LPAR3: variants seen among roughly 807,000 people sequenced by gnomAD.
The protein encoded by LPAR3 is LPA receptor 3.
In LPAR3, 7 loss-of-function variants were observed where a neutral mutation model predicts 17.8. That is an observed-to-expected ratio of 0.39 (90% CI 0.22 to 0.74). The LOEUF (loss-of-function observed/expected upper bound fraction) is 0.74. Among genes scored for constraint, LPAR3 ranks in the 30% least tolerant of loss-of-function variants. The pLI, the probability that LPAR3 is intolerant of heterozygous loss-of-function variation, is 0.40. For synonymous variants in LPAR3, 179 were observed against 179.9 expected, an observed-to-expected ratio of 0.99 and a Z score of 0.04; for missense variants, 391 against 453.4, an observed-to-expected ratio of 0.86 and a Z score of 1.25.
In LPAR3 at chr1:84,820,484, G is replaced by A. The variant is rs1272133371; in HGVS notation, c.737-6313C>T. 2.0e-5 allele frequency among the ~76,000 whole-genome samples: 3 copies of A among 152,300 alleles called. No individual in the cohort carries two copies. The East Asian group carries it at 5.8e-4, about 29-fold the overall frequency. On this transcript the variant is annotated intron_variant, in intron 2 of 2. Coordinates refer to ENST00000370611, the MANE Select transcript of LPAR3 (RefSeq NM_012152.3). ...TGAGCTGGTGCTGAAGGGCAAGAAT[G>A]ACTGTGCACAGGTGAGAAATAGCGT...
At chr1:84,838,806 C>T (rs779468856) in intron 2 of LPAR3, among the ~76,000 whole-genome samples, 3 of 152,176 alleles carry the variant, frequency 2.0e-5, no homozygotes, top group Non-Finnish European at 4.4e-5. Context: ...GACTTCTCCC[C>T]GACTGACCCG....
intron 2 of LPAR3, among the ~76,000 whole-genome samples, chr1:84,864,142 G>A (rs894942562): frequency 1.3e-5 from 2 of 151,854 alleles, no homozygotes; most frequent in Non-Finnish European, 2.9e-5. Context: ...AGGCCAGGAG[G>A]TGGAGGTTGC....
At chr1:84,874,429 C>T (rs1044703397) in intron 1 of LPAR3, among the ~76,000 whole-genome samples, 7 of 152,204 alleles carry the variant, frequency 4.6e-5, no homozygotes, top group African/African-American at 1.4e-4. Context: ...TTGGTATATA[C>T]ACACAGCTTC....
intron 1 of LPAR3, among the ~76,000 whole-genome samples, chr1:84,886,743 T>C (rs941275235): frequency 2.0e-5 from 3 of 152,108 alleles, no homozygotes; most frequent in African/African-American, 7.2e-5. Flanking sequence ...AAGACAAAAG[T>C]ACCATTCTCT....
chr1:84,847,477 G>C (rs1280657591), intron 2 of LPAR3, among the ~76,000 whole-genome samples: 1 of 152,090 alleles, frequency 6.6e-6, no homozygotes, highest in Non-Finnish European at 1.5e-5. Context: ...GAATTGTCTG[G>C]GCCAGCCCTG....
chr1:84,881,103 T>C (rs189121601), intron 1 of LPAR3, among the ~76,000 whole-genome samples: 1 of 152,266 alleles, frequency 6.6e-6, no homozygotes, highest in Admixed American at 6.5e-5. Context: ...AGAAAGGACA[T>C]TTTAGAGTGA....
intron 2 of LPAR3, among the ~76,000 whole-genome samples, chr1:84,825,417 G>A (rs1250895793): frequency 1.3e-5 from 2 of 152,164 alleles, no homozygotes; most frequent in East Asian, 3.8e-4. Flanking sequence ...ATGATTCCAG[G>A]CAAGATATAC....
rs78995385 is a variant in LPAR3, at chr1:84,876,113, G to A, written c.-18-9975C>T. 1.5e-3 allele frequency among the ~76,000 whole-genome samples: 227 copies of A among 152,280 alleles called. 1 individual carries two copies. Among genetic ancestry groups the A allele is most frequent in the East Asian group, 0.014 (75 of 5,182 alleles). ...TACTGCTAAACAAACAAGCCAGAGG[G>A]GCTCCTCGAGAATGCTATGCCTTGG... is the stretch of plus-strand genomic sequence containing the variant. On this transcript the variant is annotated intron_variant, in intron 1 of 2. Coordinates refer to ENST00000370611, the MANE Select transcript of LPAR3 (RefSeq NM_012152.3).
At chr1:84,874,671 A>G (rs1660221292) in intron 1 of LPAR3, among the ~76,000 whole-genome samples, 1 of 152,192 alleles carries the variant, frequency 6.6e-6, no homozygotes, top group Non-Finnish European at 1.5e-5. Context: ...GCTTTATATA[A>G]AATTTTAATA....
At chr1:84,856,212 T>C (rs1398734169) in intron 2 of LPAR3, among the ~76,000 whole-genome samples, 1 of 152,130 alleles carries the variant, frequency 6.6e-6, no homozygotes, top group Middle Eastern at 3.2e-3. Context: ...GGACTAGCCA[T>C]TTCAAGACAA....
At chr1:84,874,495 T>C (rs781362551) in intron 1 of LPAR3, among the ~76,000 whole-genome samples, 3 of 152,192 alleles carry the variant, frequency 2.0e-5, no homozygotes, top group African/African-American at 7.2e-5. Context: ...TCCCCAGATG[T>C]TCCTGATGGC....
intron 2 of LPAR3, among the ~76,000 whole-genome samples, chr1:84,821,112 T>G (rs1323308853): frequency 6.6e-6 from 1 of 151,032 alleles, no homozygotes; most frequent in Non-Finnish European, 1.5e-5. Context: ...AAGTTTGAAA[T>G]CCACTTCAAT....
chr1:84,876,468 T>C (rs1322060307), intron 1 of LPAR3, among the ~76,000 whole-genome samples: 2 of 152,170 alleles, frequency 1.3e-5, no homozygotes, highest in Non-Finnish European at 2.9e-5. Flanking sequence ...TCCAGGTTGC[T>C]GTAGGTTGGC....
intron 1 of LPAR3, among the ~76,000 whole-genome samples, chr1:84,875,390 G>A (rs1660237814): frequency 6.6e-6 from 1 of 152,238 alleles, no homozygotes; most frequent in African/African-American, 2.4e-5. Context: ...CAGTGCAGCA[G>A]TGCTGAGAGG....
chr1:84,888,303 G>C (rs1006278940), intron 1 of LPAR3, among the ~76,000 whole-genome samples: 1 of 152,118 alleles, frequency 6.6e-6, no homozygotes, highest in Non-Finnish European at 1.5e-5. Flanking sequence ...CCAGACCCAT[G>C]TGATAGTTTT....
chr1:84,817,396 C>T lies in LPAR3; in HGVS notation c.737-3225G>A, dbSNP rs753388278. ...CTACAGAGCCTAGGGTGTGGAGGTG[C>T]GTGGGGAGGACTTATGTTTAACTGC... On this transcript the variant is annotated intron_variant, in intron 2 of 2. Coordinates refer to ENST00000370611, the MANE Select transcript of LPAR3 (RefSeq NM_012152.3). 7.9e-5 allele frequency among the ~76,000 whole-genome samples: 12 copies of T among 151,978 alleles called. No homozygotes were observed. The South Asian group carries it at 1.0e-3, about 13-fold the overall frequency.
chr1:84,854,634 T>A (rs575923586), intron 2 of LPAR3, among the ~76,000 whole-genome samples: 1 of 152,318 alleles, frequency 6.6e-6, no homozygotes, highest in South Asian at 2.1e-4. Context: ...GTAGAGGCCA[T>A]GTCTCATAGT....
intron 1 of LPAR3, among the ~76,000 whole-genome samples, chr1:84,886,613 G>C (rs1660465125): frequency 6.6e-6 from 1 of 152,124 alleles, no homozygotes; most frequent in South Asian, 2.1e-4. Context: ...CACAAGAAAG[G>C]TAACTATGAT....
At position 84,881,978 on chromosome 1, in the gene LPAR3, G is replaced by T. The variant is rs141692971; in HGVS notation, c.-19+11038C>A. On this transcript the variant is annotated intron_variant, in intron 1 of 2. Transcript: ENST00000370611. The stretch of plus-strand genomic sequence containing the variant: ...ATTCGACATAGTATTGGAAGTCCCA[G>T]CCACAGCAATTAGGCAAGAAAAATA... Among the ~76,000 whole-genome samples, 1,462 of 152,262 alleles carry T rather than the reference G, an allele frequency of 9.6e-3. 19 individuals carry two copies. The highest frequency in any genetic ancestry group is 0.034 in the African/African-American group (1,399 of 41,540).
Sources: gnomAD v4.1 joint callset for allele counts (sites outside exome capture counted in the v4.1 genomes callset) on GRCh38, gnomAD v4.1.1 for gene constraint, MANE v1.5 for transcripts, NCBI Gene and HGNC (gene_info 2026-07-23, HGNC 2026-07-21) for gene names.